TMEM163: variants seen among roughly 807,000 people sequenced by gnomAD.
The protein encoded by TMEM163 is transmembrane protein 163.
Under a neutral mutation model 29.3 loss-of-function variants are expected in TMEM163, and 17 were observed. The ratio of observed to expected loss-of-function variants is 0.58; its 90% CI spans 0.40 to 0.87. TMEM163 has a LOEUF of 0.87. Among genes scored for constraint, TMEM163 ranks in the 40% least tolerant of loss-of-function variants. The probability of loss-of-function intolerance (pLI) is 0.00; values close to 1 mark genes in which losing one functional copy is unlikely to be tolerated. For missense variants in TMEM163, 303 were observed against 381.5 expected, an observed-to-expected ratio of 0.79 and a Z score of 1.71; for synonymous variants, 157 against 160.6, an observed-to-expected ratio of 0.98 and a Z score of 0.17.
At chr2:134,515,429 T>C (rs1457705739) in intron 4 of TMEM163, among the ~76,000 whole-genome samples, 2 of 152,228 alleles carry the variant, frequency 1.3e-5, no homozygotes, top group Non-Finnish European at 2.9e-5. Context: ...ATAAAAATAC[T>C]CCATAATTTC....
At position 134,601,021 on chromosome 2, in the gene TMEM163, T is replaced by TAC. The variant is rs368281394; in HGVS notation, c.323-48932_323-48931dup. On this transcript the variant is annotated intron_variant, in intron 2 of 7. Transcript: ENST00000281924. ...CACTTTTGCCTTCATAGTAAAAACA[T>TAC]ACACACACACGCATGTATATATATG... 3.3e-3 allele frequency among the ~76,000 whole-genome samples: 509 copies of TAC among 152,218 alleles called. 2 individuals carry two copies. The highest frequency in any genetic ancestry group is 0.011 in the African/African-American group (469 of 41,534).
chr2:134,594,828 T>G (rs561355516), intron 2 of TMEM163, among the ~76,000 whole-genome samples: 1 of 151,106 alleles, frequency 6.6e-6, no homozygotes, highest in African/African-American at 2.4e-5. Flanking sequence ...AATAATATGC[T>G]ACATGGACTC....
chr2:134,695,704 T>C (rs1684563907), intron 2 of TMEM163, among the ~76,000 whole-genome samples: 1 of 152,206 alleles, frequency 6.6e-6, no homozygotes, highest in Admixed American at 6.5e-5. Flanking sequence ...TTGTGCTTTC[T>C]GTGTCTTAAA....
intron 2 of TMEM163, among the ~76,000 whole-genome samples, chr2:134,590,543 A>T (rs1347230787): frequency 6.6e-6 from 1 of 152,224 alleles, no homozygotes; most frequent in Non-Finnish European, 1.5e-5. Flanking sequence ...GGGTTCTTGG[A>T]TCTTGTGCAA....
chr2:134,482,992 A>T (rs1388258193), intron 5 of TMEM163, among the ~76,000 whole-genome samples: 1 of 151,988 alleles, frequency 6.6e-6, no homozygotes, highest in Non-Finnish European at 1.5e-5. Context: ...AAGGGAGCAG[A>T]CACTCAGCTC....
chr2:134,533,247 A>G (rs1361892803), intron 4 of TMEM163, among the ~76,000 whole-genome samples: 4 of 152,234 alleles, frequency 2.6e-5, no homozygotes, highest in African/African-American at 7.2e-5. Context: ...TGGGTTACAT[A>G]TATAGGGAGT....
At chr2:134,519,118 G>T (rs1270206205) in intron 4 of TMEM163, among the ~76,000 whole-genome samples, 1 of 152,176 alleles carries the variant, frequency 6.6e-6, no homozygotes, top group Non-Finnish European at 1.5e-5. Flanking sequence ...CTTGGCAGAA[G>T]TGTTGTAGTA....
At chr2:134,661,162 GCTCTCTCT>G (rs10660772) in intron 2 of TMEM163, among the ~76,000 whole-genome samples, 2 of 150,222 alleles carry the variant, frequency 1.3e-5, no homozygotes, top group South Asian at 2.1e-4. Flanking sequence ...GCTCTTGCTT[GCTCTCTCT>G]CTCTCTCTCT....
At chr2:134,650,533 T>C (rs1038910724) in intron 2 of TMEM163, among the ~76,000 whole-genome samples, 3 of 33,160 alleles carry the variant, frequency 9.0e-5, no homozygotes, top group Admixed American at 2.5e-4. Context: ...TGTTTGTTTG[T>C]TTTGTTTTTT....
At chr2:134,624,923 A>C (rs1372720619) in intron 2 of TMEM163, among the ~76,000 whole-genome samples, 25 of 152,158 alleles carry the variant, frequency 1.6e-4, no homozygotes, top group Admixed American at 1.6e-3. Context: ...AAATAAAAAT[A>C]AAAAATTTAA....
chr2:134,575,452 C>T (rs781148540), intron 2 of TMEM163, among the ~76,000 whole-genome samples: 5 of 152,096 alleles, frequency 3.3e-5, no homozygotes, highest in South Asian at 2.1e-4. Flanking sequence ...TAGGGGCCTG[C>T]GGTATGTATA....
intron 2 of TMEM163, among the ~76,000 whole-genome samples, chr2:134,700,933 A>AATACATAAATAC (rs1241395014): frequency 3.6e-5 from 3 of 82,726 alleles, no homozygotes; most frequent in African/African-American, 2.6e-4. Context: ...TAAATAAATA[A>AATACATAAATAC]ATAAATAAAT....
intron 2 of TMEM163, among the ~76,000 whole-genome samples, chr2:134,658,645 T>G (rs2104856645): frequency 6.6e-6 from 1 of 152,260 alleles, no homozygotes; most frequent in South Asian, 2.1e-4. Context: ...TCGCCCAGGC[T>G]GGAGTGCATT....
intron 6 of TMEM163, among the ~76,000 whole-genome samples, chr2:134,465,258 G>A (rs543832266): frequency 1.3e-5 from 2 of 149,712 alleles, no homozygotes; most frequent in East Asian, 3.9e-4. Flanking sequence ...ACACACGTGT[G>A]TATAACATAA....
intron 2 of TMEM163, among the ~76,000 whole-genome samples, chr2:134,703,861 A>G (rs1286019677): frequency 6.6e-6 from 1 of 151,896 alleles, no homozygotes; most frequent in Non-Finnish European, 1.5e-5. Context: ...AAAAAAAAAA[A>G]AGATCGAAAA....
chr2:134,496,288 C>T (rs1346751110), intron 5 of TMEM163, among the ~76,000 whole-genome samples: 1 of 152,192 alleles, frequency 6.6e-6, no homozygotes, highest in African/African-American at 2.4e-5. Flanking sequence ...TCTCAAACCC[C>T]TGACCTCAAG....
At position 134,666,628 on chromosome 2, in the gene TMEM163, C is replaced by T. The variant is rs551716514; in HGVS notation, c.322+46572G>A. On this transcript the variant is annotated intron_variant, in intron 2 of 7. Transcript: ENST00000281924. Reference sequence around the variant, plus strand: ...TGAGTAGGGGAAGCAACCTTTGAGGCTGCACCATCCAGAGTGTAGACTTTC... The same window carrying T: ...TGAGTAGGGGAAGCAACCTTTGAGGTTGCACCATCCAGAGTGTAGACTTTC... 3.3e-5 allele frequency among the ~76,000 whole-genome samples: 5 copies of T among 152,326 alleles called. No homozygotes were observed. The South Asian group carries it at 1.0e-3, about 32-fold the overall frequency.
chr2:134,655,592 GA>G (rs1278327361), intron 2 of TMEM163, among the ~76,000 whole-genome samples: 1 of 141,736 alleles, frequency 7.1e-6, no homozygotes, highest in Non-Finnish European at 1.5e-5. Flanking sequence ...TGCTGGTGAG[GA>G]ACTGCATTCC....
At chr2:134,552,642 G>A (rs540188583) in intron 2 of TMEM163, among the ~76,000 whole-genome samples, 6 of 147,454 alleles carry the variant, frequency 4.1e-5, no homozygotes, top group East Asian at 2.0e-4. Flanking sequence ...TTCTAATTAC[G>A]ACATATTTTG....
Sources: allele counts gnomAD v4.1 joint callset (sites outside exome capture counted in the v4.1 genomes callset), GRCh38; gene constraint gnomAD v4.1.1; transcripts MANE v1.5; gene names NCBI Gene and HGNC (gene_info 2026-07-23, HGNC 2026-07-21).